Variants in POLR3B observed in about 807,000 individuals in gnomAD.
POLR3B encodes the protein DNA-directed RNA polymerase III subunit RPC2.
POLR3B carries 96 observed loss-of-function variants against 147.4 expected under a neutral mutation model. That is an observed-to-expected ratio of 0.65 (90% CI 0.55 to 0.77). The LOEUF (loss-of-function observed/expected upper bound fraction) is 0.77. Among genes scored for constraint, POLR3B ranks in the 30% least tolerant of loss-of-function variants. The pLI, the probability that POLR3B is intolerant of heterozygous loss-of-function variation, is 0.00. For missense variants in POLR3B, 1,036 were observed against 1,413.5 expected, an observed-to-expected ratio of 0.73 and a Z score of 4.28; for synonymous variants, 461 against 485.9, an observed-to-expected ratio of 0.95 and a Z score of 0.67.
At chr12:106,374,671 C>G (rs978181922) in intron 6 of POLR3B, among the ~76,000 whole-genome samples, 2 of 152,082 alleles carry the variant, frequency 1.3e-5, no homozygotes, top group Non-Finnish European at 2.9e-5. Context: ...CACGCCACCA[C>G]GCCCAGCCAA....
At chr12:106,380,876 T>C (rs1225831901) in intron 9 of POLR3B, among the ~76,000 whole-genome samples, 1 of 152,194 alleles carries the variant, frequency 6.6e-6, no homozygotes, top group Non-Finnish European at 1.5e-5. Flanking sequence ...ATATTGCTGG[T>C]TTTGTTCCAG....
chr12:106,496,187 A>G (rs370869173), intron 24 of POLR3B, 29 bp downstream of exon 24: 3 of 1,314,156 alleles, frequency 2.3e-6, no homozygotes, highest in Non-Finnish European at 3.3e-6. Context: ...TTTCAGAGGC[A>G]TTGCCTTTAA....
chr12:106,498,872 C>T (rs1468595092), intron 25 of POLR3B, among the ~76,000 whole-genome samples: 1 of 152,220 alleles, frequency 6.6e-6, no homozygotes, highest in Non-Finnish European at 1.5e-5. Context: ...AGGCGTGAGC[C>T]ACCACGCCCT....
chr12:106,472,170 T>A (rs1227893099), intron 23 of POLR3B, among the ~76,000 whole-genome samples: 6 of 132,040 alleles, frequency 4.5e-5, no homozygotes, highest in African/African-American at 1.8e-4. Context: ...ATTTCATCCA[T>A]GTCCCTACAA....
At chr12:106,381,138 A>G (rs893299547) in intron 9 of POLR3B, among the ~76,000 whole-genome samples, 2 of 152,228 alleles carry the variant, frequency 1.3e-5, no homozygotes, top group Non-Finnish European at 2.9e-5. Context: ...GTTGGTGGCT[A>G]CTGACTAATC....
At chr12:106,454,752 C>A (rs370599051) in intron 20 of POLR3B, 41 bp downstream of exon 20, 3 of 1,078,478 alleles carry the variant, frequency 2.8e-6, no homozygotes, top group African/African-American at 3.1e-5. Flanking sequence ...TTGCTTTTTG[C>A]AGAATTAGAT....
rs2036537557 is a variant in POLR3B, at chr12:106,366,499, T to C, written c.106-17T>C. On this transcript the variant is annotated splice_polypyrimidine_tract_variant and intron_variant, in intron 2 of 27. Coordinates refer to ENST00000228347, the MANE Select transcript of POLR3B (RefSeq NM_018082.6). ...CACTTTTGCTAACCTGTTTACTTTC[T>C]CTTTCTATCTGTTTAGGTGAAAGGC... 1.9e-6 allele frequency: 3 copies of C among 1,585,172 alleles called. No individual in the cohort carries two copies. Among genetic ancestry groups the C allele is most frequent in the African/African-American group, 2.7e-5 (2 of 74,366 alleles).
intron 12 of POLR3B, among the ~76,000 whole-genome samples, chr12:106,416,970 A>T (rs2037313054): frequency 6.6e-6 from 1 of 151,884 alleles, no homozygotes; most frequent in African/African-American, 2.4e-5. Context: ...CTCCTTATTC[A>T]TCTTTTGAGC....
intron 12 of POLR3B, among the ~76,000 whole-genome samples, chr12:106,425,382 T>C (rs369669151): frequency 5.3e-5 from 8 of 152,056 alleles, no homozygotes. Flanking sequence ...CTTCCGGGGG[T>C]AGACTGTTGT....
At chr12:106,383,994 GAGAA>G (rs1289289981) in intron 9 of POLR3B, among the ~76,000 whole-genome samples, 10 of 148,952 alleles carry the variant, frequency 6.7e-5, no homozygotes, top group South Asian at 2.2e-4. Flanking sequence ...AAAAAAGAGA[GAGAA>G]AAAAAAAAAG....
chr12:106,479,388 T>C (rs1046726109), intron 23 of POLR3B, among the ~76,000 whole-genome samples: 2 of 147,234 alleles, frequency 1.4e-5, no homozygotes, highest in South Asian at 2.1e-4. Flanking sequence ...CTCTCTCTCT[T>C]TTTTTTTTTT....
chr12:106,410,384 G>C (rs1565887969), intron 11 of POLR3B: 1 of 177,052 alleles, frequency 5.6e-6, no homozygotes, highest in Non-Finnish European at 1.2e-5. Flanking sequence ...CTCTCTCTCT[G>C]TGCAACAGAG....
At chr12:106,370,091 G>A (rs544961686) in intron 6 of POLR3B, among the ~76,000 whole-genome samples, 17 of 152,290 alleles carry the variant, frequency 1.1e-4, no homozygotes, top group Middle Eastern at 3.4e-3. Flanking sequence ...GTTTGGAAAT[G>A]ATAGCATCCA....
chr12:106,399,743 G>T (rs1475727306), intron 10 of POLR3B, among the ~76,000 whole-genome samples: 1 of 152,078 alleles, frequency 6.6e-6, no homozygotes, highest in Non-Finnish European at 1.5e-5. Context: ...CATAAGTGAA[G>T]GAGAAATAAA....
rs7307745 is a variant in POLR3B at position 106,454,467 on chromosome 12, A to C, written c.2084-35A>C. On this transcript the variant is annotated intron_variant, in intron 19 of 27. Coordinates refer to ENST00000228347, the MANE Select transcript of POLR3B (RefSeq NM_018082.6). Reference sequence around the variant, plus strand: ...ACTACCTTATTATTTCACATAATAGAATGTTGTATTTTGTTTTCTCCCATA... The same window carrying C: ...ACTACCTTATTATTTCACATAATAGCATGTTGTATTTTGTTTTCTCCCATA... 3,950 of 952,446 alleles carry C rather than the reference A, an allele frequency of 4.1e-3. 106 individuals are homozygous for C. The African/African-American group carries it at 0.057, about 14-fold the overall frequency. The allele number at this position is 952,446 out of a possible 1,614,324, so 59.0% of individuals were successfully genotyped here.
Position 106,433,775 on chromosome 12 carries a change from A to T in POLR3B, c.1684A>T (p.Met562Leu), listed in dbSNP as rs746920953. The T allele has an allele frequency of 3.1e-6, 5 of 1,613,312 alleles. No homozygotes were observed. The East Asian group carries it at 6.7e-5, about 22-fold the overall frequency. ...AAAGCTAGTGAATACATTTCGACTC[A>T]TGAGAAGAGCAGGATATATCAATGA... Reference protein sequence around the residue: ...HKKLVNTFRLMRRAGYINEFV... With the variant: ...HKKLVNTFRLLRRAGYINEFV... The change falls in exon 16 of 28, where the codon ATG becomes TTG. Residue 562 changes from methionine (M) to leucine (L), a missense_variant. Coordinates refer to ENST00000228347, the MANE Select transcript of POLR3B (RefSeq NM_018082.6).
intron 9 of POLR3B, among the ~76,000 whole-genome samples, chr12:106,386,284 A>G (rs1565880164): frequency 6.6e-6 from 1 of 150,946 alleles, no homozygotes; most frequent in Non-Finnish European, 1.5e-5. Context: ...CAGAGGTTGC[A>G]GTGAGGCGAA....
At chr12:106,498,574 T>G (rs540178350) in intron 25 of POLR3B, among the ~76,000 whole-genome samples, 2 of 150,646 alleles carry the variant, frequency 1.3e-5, no homozygotes, top group Admixed American at 6.6e-5. Flanking sequence ...TTTTGTTTTT[T>G]GGGGTTTGTT....
chr12:106,480,417 T>C (rs1041733897), intron 23 of POLR3B, among the ~76,000 whole-genome samples: 2 of 152,224 alleles, frequency 1.3e-5, no homozygotes, highest in African/African-American at 4.8e-5. Context: ...AACTCCTGCC[T>C]GAAGGTTGGA....
Sources: allele counts gnomAD v4.1 joint callset (sites outside exome capture counted in the v4.1 genomes callset), GRCh38; gene constraint gnomAD v4.1.1; transcripts MANE v1.5; gene names NCBI Gene and HGNC (gene_info 2026-07-23, HGNC 2026-07-21).